The following RHBDF1 variants were observed in gnomAD, a reference collection of about 807,000 sequenced individuals.
The protein encoded by RHBDF1 is rhomboid 5 homolog 1.
A neutral mutation model predicts 98.6 loss-of-function variants in RHBDF1; 80 were observed. That is an observed-to-expected ratio of 0.81 (90% CI 0.68 to 0.98). RHBDF1 has a LOEUF of 0.98. Among genes scored for constraint, RHBDF1 ranks in the 50% least tolerant of loss-of-function variants. The pLI is 0.00. For synonymous variants in RHBDF1, 512 were observed against 486.8 expected, an observed-to-expected ratio of 1.05 and a Z score of -0.68; for missense variants, 1,116 against 1,198.3, an observed-to-expected ratio of 0.93 and a Z score of 1.01.
In RHBDF1 at chr16:58,241, C is replaced by G. The variant is rs1897457888; in HGVS notation, c.*99G>C. 2 of 1,198,528 alleles carry G rather than the reference C, an allele frequency of 1.7e-6. No individual in the cohort carries two copies. The highest frequency in any genetic ancestry group is 3.1e-5 in the African/African-American group (2 of 65,510). The allele number at this position is 1,198,528 out of a possible 1,614,324, so 74.2% of individuals were successfully genotyped here. On this transcript the variant is annotated 3_prime_UTR_variant, in exon 18 of 18. Coordinates refer to ENST00000262316, the MANE Select transcript of RHBDF1 (RefSeq NM_022450.5). ...TGTGTTCAGGAAACAGGCCAGTCCC[C>G]ACATGGAGCAGGTGACTCCTGTAAG...
In RHBDF1 at chr16:69,113, A is replaced by G. The variant is rs546814035; in HGVS notation, c.-25+3400T>C. 3.3e-5 allele frequency among the ~76,000 whole-genome samples: 5 copies of G among 152,202 alleles called. No homozygotes were observed. In the East Asian group the frequency reaches 5.8e-4, roughly 18 times the overall value. On this transcript the variant is annotated intron_variant, in intron 1 of 17. Coordinates refer to ENST00000262316, the MANE Select transcript of RHBDF1 (RefSeq NM_022450.5). ...GAGCTGGGGGGTGAAAGGACCCTAG[A>G]GCATATGCAACAAGAGGGCAGCCCT... is the stretch of plus-strand genomic sequence containing the variant.
chr16:60,234 T>G lies in RHBDF1; in HGVS notation c.1704A>C (p.Glu568Asp). 2 of 1,614,098 alleles carry G rather than the reference T, an allele frequency of 1.2e-6. No individual in the cohort carries two copies. The highest frequency in any genetic ancestry group is 1.7e-6 in the Non-Finnish European group (2 of 1,179,998). ...PSSEDPHEWP[E>D]DITKWPICTK... ...AGCTCACCGGCCACTTGGTGATGTCTTCTGGCCACTCATGAGGGTCTTCGG... is the reference window on the plus strand; with the variant it reads ...AGCTCACCGGCCACTTGGTGATGTCGTCTGGCCACTCATGAGGGTCTTCGG... Residue 568 changes from glutamate (E) to aspartate (D), a missense_variant, in exon 13 of 18, where the codon GAA becomes GAC. By Grantham distance (45) the Glu-to-Asp change is conservative. Coordinates refer to ENST00000262316, the MANE Select transcript of RHBDF1 (RefSeq NM_022450.5).
intron 1 of RHBDF1, among the ~76,000 whole-genome samples, chr16:68,962 C>G (rs1484443223): frequency 1.3e-5 from 2 of 152,186 alleles, no homozygotes; most frequent in Admixed American, 1.3e-4. Context: ...CACCTACAAC[C>G]CTAAGCAAGC....
At chr16:65,390 A>C (rs1897801814) in intron 1 of RHBDF1, among the ~76,000 whole-genome samples, 1 of 152,220 alleles carries the variant, frequency 6.6e-6, no homozygotes, top group African/African-American at 2.4e-5. Flanking sequence ...AATATTTTTA[A>C]ATGAGTGAAT....
intron 1 of RHBDF1, among the ~76,000 whole-genome samples, chr16:71,006 G>A (rs561766642): frequency 2.0e-5 from 3 of 152,236 alleles, no homozygotes; most frequent in Non-Finnish European, 2.9e-5. Flanking sequence ...CCGGTGTGGC[G>A]GAGGCCCTCA....
intron 1 of RHBDF1, among the ~76,000 whole-genome samples, chr16:66,809 G>C (rs1218233702): frequency 6.6e-6 from 1 of 152,198 alleles, no homozygotes; most frequent in African/African-American, 2.4e-5. Flanking sequence ...CACGAGCCAA[G>C]GGCAGCAACT....
In RHBDF1 at chr16:58,554, G is replaced by A. The variant is rs751122410; in HGVS notation, c.2354C>T (p.Ala785Val). ...GCCAAAGCTGATGTAGGGCAAGAAG[G>A]CGAAGGAGAGGAAGAGGCCACTGAT... Reference protein sequence around the residue: ...GFISGLFLSFAFLPYISFGKF... With the variant: ...GFISGLFLSFVFLPYISFGKF... Residue 785 changes from alanine to valine, a missense_variant, in exon 18 of 18, where the codon GCC (alanine) becomes GTC (valine). By Grantham distance (64) the Ala-to-Val change is moderately conservative (BLOSUM62 0). Coordinates refer to ENST00000262316, the MANE Select transcript of RHBDF1 (RefSeq NM_022450.5). 1 of 1,613,940 alleles carries A rather than the reference G, an allele frequency of 6.2e-7. No homozygotes were observed. Among genetic ancestry groups the A allele is most frequent in the South Asian group, 1.1e-5 (1 of 91,082 alleles).
At chr16:59,865 C>A (rs780447810) in intron 13 of RHBDF1, 39 bp from the exon 14 acceptor site, 5 of 1,613,580 alleles carry the variant, frequency 3.1e-6, no homozygotes, top group Non-Finnish European at 4.2e-6. Context: ...CAGGGCCTCC[C>A]CCAACCTTTG....
Position 60,548 on chromosome 16 carries a change from G to C in RHBDF1, c.1558-9C>G, listed in dbSNP as rs1396307893. ...CACACTGCCAGCGTGGACTGTGGGA[G>C]GGGGACACAGGGTCAGGTCCAGTTG... On this transcript the variant is annotated splice_polypyrimidine_tract_variant and intron_variant, in intron 11 of 17. Transcript: ENST00000262316. The C allele has an allele frequency of 1.2e-6, 2 of 1,601,704 alleles. No homozygotes were observed. Among genetic ancestry groups the C allele is most frequent in the East Asian group, 4.5e-5 (2 of 44,864 alleles).
chr16:76,236 AG>A (rs1898085014), upstream of RHBDF1: 1 of 152,408 alleles, frequency 6.6e-6, no homozygotes, highest in Admixed American at 6.5e-5. Flanking sequence ...AGGAAGCCCC[AG>A]GCCCCCTCCT....
At position 59,412 on chromosome 16, in the gene RHBDF1, G is replaced by C; in HGVS notation, c.1893+7C>G. On this transcript the variant is annotated splice_region_variant and intron_variant, in intron 15 of 17. Coordinates refer to ENST00000262316, the MANE Select transcript of RHBDF1 (RefSeq NM_022450.5). ...GGAGGGGAACGACGGACACTCTGCA[G>C]ACCTACCTGAGAGCAGAGCGTGGCC... 6.2e-7 allele frequency: 1 copy of C among 1,613,632 alleles called. No individual in the cohort carries two copies. Among genetic ancestry groups the C allele is most frequent in the East Asian group, 2.2e-5 (1 of 44,882 alleles).
chr16:59,430 G>T lies in RHBDF1; in HGVS notation c.1882C>A (p.Leu628Ile), dbSNP rs1231494950. 1 of 1,613,852 alleles carries T rather than the reference G, an allele frequency of 6.2e-7. No individual in the cohort carries two copies. The highest frequency in any genetic ancestry group is 8.5e-7 in the Non-Finnish European group (1 of 1,179,958). The change falls in exon 15 of 18, where the codon CTC becomes ATC. Residue 628 changes from leucine (L) to isoleucine (I), a missense_variant. Transcript: ENST00000262316. Reference protein sequence around the residue: ...MRGYFHEEATLCSQVHCMDDV... With the variant: ...MRGYFHEEATICSQVHCMDDV... ...CTCTGCAGACCTACCTGAGAGCAGA[G>T]CGTGGCCTCCTCATGGAAGTAGCCC...
rs563134534 is a variant in RHBDF1, at chr16:71,825, G to A, written c.-25+688C>T. ...CCCTCTGCCAATGCCCTGAGCATCT[G>A]GGGTCTGGCTGTCACCCCAGCCGGG... On this transcript the variant is annotated intron_variant, in intron 1 of 17. Coordinates refer to ENST00000262316, the MANE Select transcript of RHBDF1 (RefSeq NM_022450.5). Among the ~76,000 whole-genome samples, 101 of 152,354 alleles carry A rather than the reference G, an allele frequency of 6.6e-4. 1 individual carries two copies. The South Asian group carries it at 8.1e-3, about 12-fold the overall frequency.
intron 7 of RHBDF1, 172 bp from the exon 8 acceptor site, chr16:62,224 G>T: frequency 1.1e-6 from 1 of 935,856 alleles, no homozygotes; most frequent in Non-Finnish European, 1.5e-6. Context: ...TCCGGGGATG[G>T]CAGGGAGCTG....
chr16:64,710 CTG>C lies in RHBDF1; in HGVS notation c.235_236del (p.Gln79AspfsTer17), dbSNP rs771356612. On this transcript the variant is annotated frameshift_variant, in exon 3 of 18. Transcript: ENST00000262316. LOFTEE classifies it high-confidence loss of function. ...GGCGGTGTTGGTACCTGCGGATGGT[CTG>C]TGTGATGGACGTCTGGCGTTGCAGC... is the stretch of plus-strand genomic sequence containing the variant. ...PVLQRQTSIT[Q>X]TIRRGTADWF... 6.8e-6 allele frequency: 11 copies of C among 1,611,762 alleles called. No homozygotes were observed. In the South Asian group the frequency reaches 1.2e-4, roughly 18 times the overall value.
chr16:64,389 G>A (rs755948243), intron 3 of RHBDF1: 26 of 1,385,050 alleles, frequency 1.9e-5, no homozygotes, highest in African/African-American at 2.9e-5. Context: ...GGGCAGCCCG[G>A]GGACCCAAGA....
chr16:67,598 CCT>C (rs1897862177), intron 1 of RHBDF1, among the ~76,000 whole-genome samples: 1 of 152,250 alleles, frequency 6.6e-6, no homozygotes, highest in African/African-American at 2.4e-5. Flanking sequence ...CCCACCCTCC[CCT>C]GTGTGGGAGG....
chr16:58,912 A>G (rs1449373151), intron 17 of RHBDF1, 62 bp downstream of exon 17: 25 of 1,593,550 alleles, frequency 1.6e-5, no homozygotes, highest in Middle Eastern at 1.9e-4. Context: ...CTCGATATGG[A>G]CAGGTTCACA....
chr16:72,347 G>A (rs1057336260), intron 1 of RHBDF1, among the ~76,000 whole-genome samples, 166 bp downstream of exon 1: 1 of 151,704 alleles, frequency 6.6e-6, no homozygotes, highest in Non-Finnish European at 1.5e-5. Flanking sequence ...CCGCCCCGGG[G>A]GGGCCTCGCC....
Sources: allele counts gnomAD v4.1 joint callset (sites outside exome capture counted in the v4.1 genomes callset), GRCh38; gene constraint gnomAD v4.1.1; transcripts MANE v1.5; gene names NCBI Gene and HGNC (gene_info 2026-07-23, HGNC 2026-07-21).